KIF5C: variants seen among roughly 807,000 people sequenced by gnomAD.
KIF5C encodes the protein kinesin heavy chain isoform 5C.
In KIF5C, 18 loss-of-function variants were observed where a neutral mutation model predicts 125.2. The ratio of observed to expected loss-of-function variants is 0.14; its 90% CI spans 0.10 to 0.21. KIF5C has a LOEUF of 0.21. KIF5C is among the 10% of genes least tolerant of loss of function. The pLI, the probability that KIF5C is intolerant of heterozygous loss-of-function variation, is 1.00. For missense variants in KIF5C, 780 were observed against 1,183.8 expected (o/e 0.66, Z 5.01); for synonymous variants, 405 against 434.0 (o/e 0.93, Z 0.83).
intron 25 of KIF5C, among the ~76,000 whole-genome samples, chr2:149,016,759 C>T (rs865917154): frequency 6.6e-6 from 1 of 152,040 alleles, no homozygotes; most frequent in Admixed American, 6.6e-5. Flanking sequence ...GAGGTGAGGC[C>T]AGGGCTGGAG....
intron 8 of KIF5C, among the ~76,000 whole-genome samples, chr2:148,948,523 G>A (rs1481034728): frequency 6.6e-6 from 1 of 152,172 alleles, no homozygotes; most frequent in Non-Finnish European, 1.5e-5. Flanking sequence ...CAGTGTCAGT[G>A]GTTATTGCTA....
At position 148,997,272 on chromosome 2, in the gene KIF5C, C is replaced by T; in HGVS notation, c.2032C>T (p.His678Tyr). The change falls in exon 18 of 26, where the codon CAC becomes TAC. Residue 678 changes from histidine (H) to tyrosine (Y), a missense_variant. Transcript: ENST00000435030. The stretch of plus-strand genomic sequence containing the variant: ...TTTAAAATTCAAAACAGAAAAAATG[C>T]ACGAAGTCAGCTTCCAGGATAAGGA... ...LAKLRAQEKMHEVSFQDKEKE... is the reference protein window; with the variant it reads ...LAKLRAQEKMYEVSFQDKEKE... The T allele has an allele frequency of 6.2e-7, 1 of 1,611,918 alleles. No individual in the cohort carries two copies. The highest frequency in any genetic ancestry group is 8.5e-7 in the Non-Finnish European group (1 of 1,178,290).
At chr2:148,956,361 A>G (rs1339288362) in intron 10 of KIF5C, among the ~76,000 whole-genome samples, 1 of 152,222 alleles carries the variant, frequency 6.6e-6, no homozygotes, top group Non-Finnish European at 1.5e-5. Flanking sequence ...AGTAGAATAT[A>G]TCTAAGAGAA....
At chr2:148,943,360 A>G (rs1682450052) in intron 7 of KIF5C, among the ~76,000 whole-genome samples, 1 of 152,198 alleles carries the variant, frequency 6.6e-6, no homozygotes, top group African/African-American at 2.4e-5. Flanking sequence ...GAAGCAGTGC[A>G]TATGGGATTT....
rs373027641 is a variant in KIF5C at position 148,958,721 on chromosome 2, C to T, written c.969-3250C>T. On this transcript the variant is annotated intron_variant, in intron 10 of 25. Transcript: ENST00000435030. ...CTTTGGCCAGGCATGGTGGCTCATG[C>T]CTGCAATCCCAGCACTTTGGGAGGT... Among the ~76,000 whole-genome samples the T allele has an allele frequency of 9.9e-5, 15 of 152,172 alleles. No homozygotes were observed. The East Asian group carries it at 2.9e-3, about 29-fold the overall frequency.
intron 1 of KIF5C, among the ~76,000 whole-genome samples, chr2:148,900,902 G>T (rs1240392137): frequency 2.6e-5 from 4 of 152,138 alleles, no homozygotes; most frequent in South Asian, 2.1e-4. Context: ...TGTGTTGGAG[G>T]ATTCTTCATA....
intron 24 of KIF5C, among the ~76,000 whole-genome samples, 200 bp downstream of exon 24, chr2:149,010,551 C>T (rs1197356514): frequency 6.6e-6 from 1 of 152,280 alleles, no homozygotes; most frequent in Non-Finnish European, 1.5e-5. Context: ...TTATCCTACT[C>T]TGAGATATTC....
intron 2 of KIF5C, among the ~76,000 whole-genome samples, chr2:148,926,647 T>TAA (rs1235113491): frequency 6.6e-6 from 1 of 152,166 alleles, no homozygotes; most frequent in Non-Finnish European, 1.5e-5. Context: ...CCTGCTCCAC[T>TAA]TCCTCTCTCT....
chr2:149,013,894 G>C lies in KIF5C; in HGVS notation c.*7+2211G>C, dbSNP rs961139423. 2.6e-5 allele frequency among the ~76,000 whole-genome samples: 4 copies of C among 152,286 alleles called. No homozygotes were observed. The East Asian group carries it at 5.8e-4, about 22-fold the overall frequency. On this transcript the variant is annotated intron_variant, in intron 25 of 25. Transcript: ENST00000435030. ...TGGGGAGACTTTCAAGACCTTCGGAGTGAAAGAACCACCCTCACCCATTGT... is the reference window on the plus strand; with the variant it reads ...TGGGGAGACTTTCAAGACCTTCGGACTGAAAGAACCACCCTCACCCATTGT...
chr2:148,923,863 A>T (rs1202525132), intron 2 of KIF5C, among the ~76,000 whole-genome samples: 11 of 152,184 alleles, frequency 7.2e-5, no homozygotes, highest in Admixed American at 7.2e-4. Context: ...GGCCTCTTTC[A>T]ATGTTCGGAT....
intron 1 of KIF5C, chr2:148,877,331 C>T (rs1266950927): frequency 6.6e-6 from 1 of 152,290 alleles, no homozygotes; most frequent in Non-Finnish European, 1.5e-5. Context: ...GGCGATCATT[C>T]TGCGAGCTGA....
chr2:148,951,302 G>A (rs1682652047), intron 10 of KIF5C, among the ~76,000 whole-genome samples: 1 of 152,180 alleles, frequency 6.6e-6, no homozygotes, highest in Non-Finnish European at 1.5e-5. Context: ...AGATGCAGAT[G>A]ACAGCTTCCT....
intron 10 of KIF5C, among the ~76,000 whole-genome samples, chr2:148,959,530 C>T (rs1435350976): frequency 6.6e-6 from 1 of 152,056 alleles, no homozygotes; most frequent in East Asian, 1.9e-4. Flanking sequence ...TCATATTCTA[C>T]CTTTAGTGGA....
intron 1 of KIF5C, among the ~76,000 whole-genome samples, chr2:148,912,701 G>A (rs992496563): frequency 2.6e-5 from 4 of 152,168 alleles, no homozygotes; most frequent in Admixed American, 6.5e-5. Context: ...TTCCCACTAC[G>A]GGCTCCCAAA....
intron 1 of KIF5C, 104 bp downstream of exon 1, chr2:148,875,847 C>A: frequency 6.8e-7 from 1 of 1,460,224 alleles, no homozygotes; most frequent in Non-Finnish European, 9.1e-7. Flanking sequence ...CTCGGACATT[C>A]CCGCGGGGCT....
intron 3 of KIF5C, chr2:148,934,931 A>G (rs1037429662): frequency 7.9e-6 from 2 of 252,102 alleles, no homozygotes; most frequent in Non-Finnish European, 1.6e-5. Context: ...ATGCCCCTAC[A>G]TCCTCCCCTG....
At chr2:148,986,725 AT>A (rs1681390621) in intron 15 of KIF5C, among the ~76,000 whole-genome samples, 1 of 152,302 alleles carries the variant, frequency 6.6e-6, no homozygotes, top group East Asian at 1.9e-4. Context: ...GGGCTCTGGG[AT>A]GGGGGAAAAA....
chr2:149,026,566 G>GTGGTTTATA lies in KIF5C; in HGVS notation c.*3498_*3506dup, dbSNP rs1446170433. 6.6e-6 allele frequency: 1 copy of GTGGTTTATA among 152,606 alleles called. No homozygotes were observed. Among genetic ancestry groups the GTGGTTTATA allele is most frequent in the East Asian group, 1.9e-4 (1 of 5,208 alleles). The allele number at this position is 152,606 out of a possible 1,614,324, so 9.5% of individuals were successfully genotyped here. The stretch of plus-strand genomic sequence containing the variant: ...GTCCGGGGGGTTTGAGGGGAGAATG[G>GTGGTTTATA]TGGTTTATATCAATAACGATGCTGT... On this transcript the variant is annotated 3_prime_UTR_variant, in exon 26 of 26. Transcript: ENST00000435030.
intron 1 of KIF5C, among the ~76,000 whole-genome samples, chr2:148,887,364 ATT>A (rs11285747): frequency 2.0e-5 from 3 of 146,948 alleles, no homozygotes; most frequent in African/African-American, 7.4e-5. Flanking sequence ...TGATATTCTG[ATT>A]TTTTTTTTTG....
Sources: allele counts gnomAD v4.1 joint callset (sites outside exome capture counted in the v4.1 genomes callset), GRCh38; gene constraint gnomAD v4.1.1; transcripts MANE v1.5; gene names NCBI Gene and HGNC (gene_info 2026-07-23, HGNC 2026-07-21).